INSL6: variants seen among roughly 807,000 people sequenced by gnomAD.
INSL6 encodes insulin like 6.
In INSL6, 16 loss-of-function variants were observed where a neutral mutation model predicts 9.4. The ratio of observed to expected loss-of-function variants is 1.70; its 90% CI spans 1.15 to 2.59. The LOEUF (loss-of-function observed/expected upper bound fraction) is 2.59, where lower values mean the gene tolerates loss of function less well. Among genes scored for constraint, INSL6 ranks in the 30% most tolerant of loss-of-function variants. INSL6 has a pLI of 0.00. For missense variants in INSL6, 391 were observed against 257.3 expected (o/e 1.52, Z -3.56); for synonymous variants, 154 against 96.9 (o/e 1.59, Z -3.46).
At chr9:5,133,117 T>C (rs546012523) in intron 3 of INSL6, among the ~76,000 whole-genome samples, 1 of 150,454 alleles carries the variant, frequency 6.6e-6, no homozygotes. Context: ...AAAAATCATA[T>C]AAAGCACAGA....
At chr9:5,022,180 G>C in the INSL6 span, 6 of 1,614,084 alleles carry the variant, frequency 3.7e-6, no homozygotes, top group South Asian at 1.1e-5. Context: ...GTATGTTGCA[G>C]AAGAAATCTG....
At chr9:5,111,717 A>G in the INSL6 span, 1 of 433,462 alleles carries the variant, frequency 2.3e-6, no homozygotes, top group South Asian at 1.7e-5. Context: ...GGCCTGCACC[A>G]GCACGAGCGC....
the INSL6 span, among the ~76,000 whole-genome samples, chr9:5,059,542 G>T: frequency 6.6e-6 from 1 of 151,984 alleles, no homozygotes; most frequent in African/African-American, 2.4e-5. Context: ...ATATTTTTTG[G>T]TGGACTTATG....
At chr9:5,054,679 A>G in the INSL6 span, 307 of 1,613,452 alleles carry the variant, frequency 1.9e-4, no homozygotes, top group African/African-American at 3.3e-3. This position sits in a 1 kb window ranked among gnomAD's most constrained non-coding sequence, Gnocchi z 4.9. Flanking sequence ...AGCCAATGCA[A>G]AGCCACTGCC....
chr9:5,077,337 T>G, the INSL6 span: 1 of 364,238 alleles, frequency 2.7e-6, no homozygotes, highest in Non-Finnish European at 4.7e-6. Context: ...TTGTGAGTTT[T>G]GCCAATTTAA....
the INSL6 span, among the ~76,000 whole-genome samples, chr9:5,038,102 G>A: frequency 2.0e-5 from 3 of 152,112 alleles, no homozygotes; most frequent in African/African-American, 7.2e-5. Context: ...GGCCATTAAT[G>A]ATTTGTTCTT....
At chr9:5,148,074 G>C (rs968147240) in intron 2 of INSL6, among the ~76,000 whole-genome samples, 2 of 152,168 alleles carry the variant, frequency 1.3e-5, no homozygotes, top group African/African-American at 4.8e-5. Flanking sequence ...CTCACTGCTA[G>C]TGAGCTAACA....
rs548364127 is a variant in INSL6 at position 5,132,912 on chromosome 9, G to A, written c.*10+513C>T. 6 of 152,280 alleles carry A rather than the reference G, an allele frequency of 3.9e-5. No individual in the cohort carries two copies. The South Asian group carries it at 8.3e-4, about 21-fold the overall frequency. The allele number at this position is 152,280 out of a possible 1,614,324, so 9.4% of individuals were successfully genotyped here. A position where few individuals can be genotyped will look rare whatever the true frequency, so the allele number is the denominator to read the frequency against. On this transcript the variant is annotated intron_variant, in intron 3 of 3. Coordinates refer to the INSL6 transcript ENST00000649639. ...TTCTGCTACCGCTCTGGGAATATGA[G>A]CCCTAATCATAGTTTTCAGGGAGCC... is the stretch of plus-strand genomic sequence containing the variant.
downstream of INSL6, among the ~76,000 whole-genome samples, chr9:5,121,094 T>C (rs544542147): frequency 3.2e-4 from 49 of 152,330 alleles, no homozygotes; most frequent in Non-Finnish European, 6.0e-4. Context: ...ACCTTCAATT[T>C]AGAAGAGGCA....
chr9:5,017,703 T>G, the INSL6 span, among the ~76,000 whole-genome samples: 2 of 152,236 alleles, frequency 1.3e-5, no homozygotes, highest in Non-Finnish European at 2.9e-5. Context: ...CAAGGAATTA[T>G]GTATTTTTGA....
the INSL6 span, among the ~76,000 whole-genome samples, chr9:5,033,884 A>G: frequency 6.6e-6 from 1 of 152,328 alleles, no homozygotes; most frequent in Non-Finnish European, 1.5e-5. Context: ...AAATTCACCC[A>G]TAACAATATT....
chr9:5,048,304 G>T, the INSL6 span, among the ~76,000 whole-genome samples: 18 of 152,042 alleles, frequency 1.2e-4, 1 homozygote, highest in East Asian at 3.5e-3. Flanking sequence ...ACTACGCCCG[G>T]CTAATTTTTT....
At chr9:5,080,292 T>C in the INSL6 span, 4 of 1,613,762 alleles carry the variant, frequency 2.5e-6, no homozygotes, top group African/African-American at 5.3e-5. Context: ...AATTTAAATT[T>C]GGCAACAGAC....
chr9:4,994,660 C>T, the INSL6 span, among the ~76,000 whole-genome samples: 5 of 152,168 alleles, frequency 3.3e-5, no homozygotes, highest in African/African-American at 2.4e-5. Flanking sequence ...ACAGACGTGG[C>T]TCATGGCTGT....
the INSL6 span, chr9:5,100,285 C>T: frequency 6.6e-6 from 1 of 152,188 alleles, no homozygotes; most frequent in Non-Finnish European, 1.5e-5. Flanking sequence ...AGCCCCTGAC[C>T]ACTAACAGAA....
chr9:5,085,994 GTGATGAAACTGTGATATACTATATACATT>G, the INSL6 span: 75 of 903,852 alleles, frequency 8.3e-5, no homozygotes, highest in Middle Eastern at 3.3e-4. Context: ...ACGGGGTTGT[GTGATGAAACTGTGATATACTATATACATT>G]TGGACAGGCA....
chr9:5,164,150 A>T lies in INSL6; in HGVS notation c.405T>A (p.His135Gln). 6.2e-7 allele frequency: 1 copy of T among 1,608,304 alleles called. No homozygotes were observed. The highest frequency in any genetic ancestry group is 1.1e-5 in the South Asian group (1 of 89,798). ...LGKTREFSSSHNINVYIHENA... is the reference protein window; with the variant it reads ...LGKTREFSSSQNINVYIHENA... ...TCTCATGAATATATACATTGATATTATGTGATGAAGAAAATTCTCTTGTCT... is the reference window on the plus strand; with the variant it reads ...TCTCATGAATATATACATTGATATTTTGTGATGAAGAAAATTCTCTTGTCT... The change falls in exon 2 of 2, where the codon CAT (histidine) becomes CAA (glutamine). Residue 135 changes from histidine to glutamine, a missense_variant. His to Gln is a conservative substitution (Grantham distance 24). Coordinates refer to ENST00000381641, the MANE Select transcript of INSL6 (RefSeq NM_007179.3).
the INSL6 span, among the ~76,000 whole-genome samples, chr9:5,035,607 A>C: frequency 6.6e-6 from 1 of 152,266 alleles, no homozygotes; most frequent in Non-Finnish European, 1.5e-5. Context: ...GTAATCCAGC[A>C]TATAAACAGA....
the INSL6 span, among the ~76,000 whole-genome samples, chr9:5,014,164 CTT>C: frequency 1.0e-4 from 12 of 117,530 alleles, no homozygotes; most frequent in African/African-American, 2.8e-4. Flanking sequence ...TTTACTCTTT[CTT>C]TTTTTTTTTT....
Sources: gnomAD v4.1 joint callset for allele counts (sites outside exome capture counted in the v4.1 genomes callset) on GRCh38, gnomAD v4.1.1 for gene constraint, Gnocchi (gnomAD v3.1) non-coding constraint, MANE v1.5 for transcripts, NCBI Gene and HGNC (gene_info 2026-07-23, HGNC 2026-07-21) for gene names.